The following TANC2 variants were observed in gnomAD, a reference collection of about 807,000 sequenced individuals.
TANC2 encodes the protein protein TANC2.
In TANC2, 26 loss-of-function variants were observed where a neutral mutation model predicts 210.5. That is an observed-to-expected ratio of 0.12 (90% CI 0.09 to 0.17). The LOEUF is 0.17. TANC2 is among the 10% of genes least tolerant of loss of function. The pLI, the probability that TANC2 is intolerant of heterozygous loss-of-function variation, is 1.00. For missense variants in TANC2, 2,129 were observed against 2,608.9 expected (o/e 0.82, Z 4.01); for synonymous variants, 931 against 967.1 (o/e 0.96, Z 0.69).
At chr17:63,102,173 G>A (rs373765352) in intron 4 of TANC2, among the ~76,000 whole-genome samples, 1 of 151,990 alleles carries the variant, frequency 6.6e-6, no homozygotes. Flanking sequence ...GGGTGTCATG[G>A]CATGCCACCC....
intron 9 of TANC2, among the ~76,000 whole-genome samples, chr17:63,271,324 A>G (rs1190931976): frequency 6.6e-6 from 1 of 151,718 alleles, no homozygotes; most frequent in African/African-American, 2.4e-5. Flanking sequence ...CTTCGCCAAC[A>G]TCTGTTATAT....
At chr17:63,425,947 G>A (rs1198364698) in exon 28 of TANC2, 1 of 152,188 alleles carries the variant, frequency 6.6e-6, no homozygotes, top group Non-Finnish European at 1.5e-5. Context: ...TTCAGAGAGA[G>A]TTATTTTTCT....
intron 9 of TANC2, among the ~76,000 whole-genome samples, chr17:63,295,224 A>G (rs1418775135): frequency 1.3e-5 from 2 of 152,138 alleles, no homozygotes; most frequent in South Asian, 2.1e-4. Flanking sequence ...GTTTTGCCAT[A>G]TGGTACTGGG....
At chr17:63,374,406 C>T (rs1163199008) in intron 14 of TANC2, among the ~76,000 whole-genome samples, 1 of 152,140 alleles carries the variant, frequency 6.6e-6, no homozygotes, top group Non-Finnish European at 1.5e-5. Flanking sequence ...CAAATATATA[C>T]CCCTATTACC....
At chr17:62,975,379 G>A (rs73339643) in intron 1 of TANC2, among the ~76,000 whole-genome samples, 1 of 152,146 alleles carries the variant, frequency 6.6e-6, no homozygotes, top group African/African-American at 2.4e-5. Context: ...CAAATTCCAT[G>A]GAATCCTCTA....
chr17:63,079,193 C>T (rs2036678635), intron 3 of TANC2, among the ~76,000 whole-genome samples: 1 of 152,156 alleles, frequency 6.6e-6, no homozygotes, highest in African/African-American at 2.4e-5. Context: ...TTCCCCCATT[C>T]ACGCAGTCCC....
intron 2 of TANC2, among the ~76,000 whole-genome samples, chr17:63,073,237 T>C (rs2036461565): frequency 1.3e-5 from 2 of 152,118 alleles, no homozygotes; most frequent in Non-Finnish European, 1.5e-5. Context: ...TTACTGTGCC[T>C]ATTTTAATGA....
At chr17:63,141,231 G>C (rs2039277156) in intron 4 of TANC2, among the ~76,000 whole-genome samples, 1 of 150,732 alleles carries the variant, frequency 6.6e-6, no homozygotes, top group Non-Finnish European at 1.5e-5. Flanking sequence ...AATGAGCTTA[G>C]GTAAAAATTT....
chr17:63,201,576 CA>C (rs1284146660), intron 7 of TANC2, among the ~76,000 whole-genome samples: 1 of 150,922 alleles, frequency 6.6e-6, no homozygotes, highest in East Asian at 1.9e-4. Flanking sequence ...AGTATTCAAG[CA>C]AAGAAATTTT....
At chr17:63,282,476 C>T (rs1240160543) in intron 9 of TANC2, among the ~76,000 whole-genome samples, 3 of 152,048 alleles carry the variant, frequency 2.0e-5, no homozygotes, top group African/African-American at 7.2e-5. Context: ...AGAAATTGAA[C>T]CTGCTATCAG....
intron 4 of TANC2, among the ~76,000 whole-genome samples, chr17:63,135,301 T>C (rs1049164967): frequency 4.6e-5 from 7 of 152,214 alleles, no homozygotes; most frequent in Admixed American, 4.6e-4. Flanking sequence ...TACTGTTGCA[T>C]AGATTGAATT....
At chr17:63,406,689 A>G (rs1487824539) in intron 21 of TANC2, among the ~76,000 whole-genome samples, 2 of 152,192 alleles carry the variant, frequency 1.3e-5, no homozygotes, top group Non-Finnish European at 2.9e-5. Context: ...CTGGGATGCT[A>G]TTTGGGGGAT....
At chr17:63,274,846 A>C (rs534316111) in intron 9 of TANC2, among the ~76,000 whole-genome samples, 6 of 152,150 alleles carry the variant, frequency 3.9e-5, no homozygotes, top group Non-Finnish European at 8.8e-5. Context: ...ATGTTTTTAA[A>C]TTTAATCACC....
At position 63,223,594 on chromosome 17, in the gene TANC2, A is replaced by G. The variant is rs543621777; in HGVS notation, c.770-14220A>G. Among the ~76,000 whole-genome samples, 14 of 151,836 alleles carry G rather than the reference A, an allele frequency of 9.2e-5. No homozygotes were observed. The South Asian group carries it at 2.9e-3, about 31-fold the overall frequency. On this transcript the variant is annotated intron_variant, in intron 7 of 27. Transcript: ENST00000689528. Reference sequence around the variant, plus strand: ...ATTATTTTATATATAGTGTATATATATATATATATTTAAGGGACAGAGTGT... The same window carrying G: ...ATTATTTTATATATAGTGTATATATGTATATATATTTAAGGGACAGAGTGT...
At chr17:63,394,422 A>G (rs1269610671) in intron 17 of TANC2, among the ~76,000 whole-genome samples, 1 of 152,148 alleles carries the variant, frequency 6.6e-6, no homozygotes, top group African/African-American at 2.4e-5. Flanking sequence ...CTCTTACCCC[A>G]GTCCTGGAAT....
chr17:63,139,956 T>C (rs141293758), intron 4 of TANC2, among the ~76,000 whole-genome samples: 1 of 152,246 alleles, frequency 6.6e-6, no homozygotes, highest in Non-Finnish European at 1.5e-5. Flanking sequence ...ATTTCATTCA[T>C]TTGGTATAGG....
At chr17:63,389,593 C>A (rs953486714) in intron 17 of TANC2, 49 bp downstream of exon 17, 2 of 1,490,304 alleles carry the variant, frequency 1.3e-6, no homozygotes, top group African/African-American at 2.8e-5. Flanking sequence ...TCTTTATTTT[C>A]GATGCATACT....
chr17:63,255,633 G>A (rs1470325544), intron 8 of TANC2, among the ~76,000 whole-genome samples: 1 of 151,942 alleles, frequency 6.6e-6, no homozygotes, highest in South Asian at 2.1e-4. Flanking sequence ...ATGATCCTTT[G>A]AATTTCTGTG....
chr17:63,015,482 G>A (rs1180817484), intron 2 of TANC2, among the ~76,000 whole-genome samples: 1 of 151,600 alleles, frequency 6.6e-6, no homozygotes, highest in African/African-American at 2.4e-5. Flanking sequence ...CCCACCCCAT[G>A]ACAGGCCCCA....
Sources: allele counts gnomAD v4.1 joint callset (sites outside exome capture counted in the v4.1 genomes callset), GRCh38; gene constraint gnomAD v4.1.1; transcripts MANE v1.5; gene names NCBI Gene and HGNC (gene_info 2026-07-23, HGNC 2026-07-21).